The following KMO variants were observed in gnomAD, a reference collection of about 807,000 sequenced individuals.
KMO encodes kynurenine 3-hydroxylase.
Under a neutral mutation model 57.8 loss-of-function variants are expected in KMO, and 24 were observed. The observed-to-expected ratio is 0.42, with a 90% CI of 0.30 to 0.58. KMO has a LOEUF of 0.58. KMO is among the 20% of genes least tolerant of loss of function. KMO has a pLI of 0.22. For missense variants in KMO, 483 were observed against 588.2 expected (o/e 0.82, Z 1.85); for synonymous variants, 210 against 193.6 (o/e 1.08, Z -0.70).
intron 8 of KMO, among the ~76,000 whole-genome samples, chr1:241,566,062 C>T (rs758714483): frequency 1.3e-4 from 19 of 151,794 alleles, no homozygotes; most frequent in African/African-American, 4.1e-4. Context: ...AAAAATTAGC[C>T]GGGTGTGGTG....
Position 241,592,089 on chromosome 1 carries a change from C to T in KMO, c.1397C>T (p.Thr466Ile), listed in dbSNP as rs565034716. 6 of 1,613,952 alleles carry T rather than the reference C, an allele frequency of 3.7e-6. No homozygotes were observed. The highest frequency in any genetic ancestry group is 2.2e-5 in the East Asian group (1 of 44,852). ...AACTGGATAGCTCACTTCCGGAATACAACATGTTTCCCCGCAAAGGCCGTG... is the reference window on the plus strand; with the variant it reads ...AACTGGATAGCTCACTTCCGGAATATAACATGTTTCCCCGCAAAGGCCGTG... ...PWNWIAHFRN[T>I]TCFPAKAVDS... Residue 466 changes from threonine (T) to isoleucine (I), a missense_variant, in exon 15 of 15, where the codon ACA (threonine) becomes ATA (isoleucine). By Grantham distance (89) the Thr-to-Ile change is moderately conservative. This residue lies in a region of KMO where 410 missense variants were observed against 492.3 expected (regional missense o/e 0.83). Coordinates refer to ENST00000366559, the MANE Select transcript of KMO (RefSeq NM_003679.5).
intron 1 of KMO, among the ~76,000 whole-genome samples, chr1:241,546,639 C>T (rs1369136806): frequency 6.6e-6 from 1 of 152,126 alleles, no homozygotes; most frequent in East Asian, 1.9e-4. Context: ...TGACTCCTAG[C>T]TTTCTAGTTT....
At chr1:241,573,742 G>A (rs747422063) in intron 10 of KMO, among the ~76,000 whole-genome samples, 2 of 151,678 alleles carry the variant, frequency 1.3e-5, no homozygotes, top group African/African-American at 2.4e-5. Context: ...TGCTATTTGG[G>A]CTCATTTTTT....
At chr1:241,582,766 G>A (rs1250617304) in intron 10 of KMO, among the ~76,000 whole-genome samples, 1 of 152,118 alleles carries the variant, frequency 6.6e-6, no homozygotes, top group Admixed American at 6.5e-5. Context: ...ATTGGTCACT[G>A]GTGCCTTATT....
At chr1:241,549,293 A>AAGG (rs1661303733) in intron 2 of KMO, among the ~76,000 whole-genome samples, 1 of 115,520 alleles carries the variant, frequency 8.7e-6, no homozygotes, top group Non-Finnish European at 1.9e-5. Context: ...AAGAAAGGAG[A>AAGG]AAGAGCAAGA....
intron 8 of KMO, 62 bp from the exon 9 acceptor site, chr1:241,566,429 C>A: frequency 6.5e-7 from 1 of 1,547,042 alleles, no homozygotes; most frequent in East Asian, 2.3e-5. Context: ...TTTCAGGAGC[C>A]ACCTAGTGCC....
chr1:241,558,396 A>AT (rs1474589584), intron 5 of KMO, among the ~76,000 whole-genome samples: 1 of 152,194 alleles, frequency 6.6e-6, no homozygotes, highest in African/African-American at 2.4e-5. Flanking sequence ...GAGGCATCAA[A>AT]TGTGGGAGGT....
At chr1:241,584,972 T>A (rs1427346704) in intron 10 of KMO, among the ~76,000 whole-genome samples, 1 of 152,182 alleles carries the variant, frequency 6.6e-6, no homozygotes, top group African/African-American at 2.4e-5. Context: ...ACGCCTGTAA[T>A]CCCAGCACTT....
In KMO at chr1:241,592,837, G is replaced by C. The variant is rs1663369910; in HGVS notation, c.*684G>C. 1 of 152,436 alleles carries C rather than the reference G, an allele frequency of 6.6e-6. No homozygotes were observed. The allele number at this position is 152,436 out of a possible 1,614,324, so 9.4% of individuals were successfully genotyped here. ...GTATTTAGAGATCAGGTCTCACTCT[G>C]TTGACCAGGCTGGAGTGCAGTGGTG... On this transcript the variant is annotated 3_prime_UTR_variant, in exon 15 of 15. Transcript: ENST00000366559.
chr1:241,559,769 A>C (rs938677252), intron 5 of KMO, among the ~76,000 whole-genome samples: 50 of 152,180 alleles, frequency 3.3e-4, no homozygotes, highest in Admixed American at 5.9e-4. Context: ...GACATATAAA[A>C]ACTGTACATA....
chr1:241,590,393 A>G, intron 14 of KMO, 130 bp downstream of exon 14: 1 of 749,272 alleles, frequency 1.3e-6, no homozygotes, highest in Admixed American at 2.2e-5. Flanking sequence ...TCCAAACAGA[A>G]ACTGTCCTGA....
At chr1:241,581,553 T>C (rs1318762676) in intron 10 of KMO, among the ~76,000 whole-genome samples, 44 of 151,854 alleles carry the variant, frequency 2.9e-4, no homozygotes, top group Non-Finnish European at 1.2e-4. Context: ...CAACCAAGTA[T>C]TTTAAACTGA....
chr1:241,571,532 A>G (rs140963981), intron 10 of KMO, among the ~76,000 whole-genome samples: 21 of 152,270 alleles, frequency 1.4e-4, no homozygotes, highest in African/African-American at 4.8e-4. Context: ...TTCAGCATCA[A>G]TTGAAATGAT....
At chr1:241,543,929 T>G (rs1661043579) in intron 1 of KMO, among the ~76,000 whole-genome samples, 1 of 152,176 alleles carries the variant, frequency 6.6e-6, no homozygotes, top group African/African-American at 2.4e-5. Flanking sequence ...TCAGCCCTCC[T>G]CCTCTGAGAT....
chr1:241,575,900 C>T (rs1662496238), intron 10 of KMO, among the ~76,000 whole-genome samples: 1 of 151,856 alleles, frequency 6.6e-6, no homozygotes, highest in African/African-American at 2.4e-5. Flanking sequence ...TACCTAATTT[C>T]TTAGATTTGG....
At chr1:241,542,810 A>T (rs1460644465) in intron 1 of KMO, among the ~76,000 whole-genome samples, 1 of 152,200 alleles carries the variant, frequency 6.6e-6, no homozygotes, top group East Asian at 1.9e-4. Flanking sequence ...CCACTTATAT[A>T]TTTCTGTCTT....
At chr1:241,533,855 A>C (rs182882763) in intron 1 of KMO, among the ~76,000 whole-genome samples, 150 of 152,366 alleles carry the variant, frequency 9.8e-4, no homozygotes, top group African/African-American at 3.3e-3. Context: ...CTGAAGGGAC[A>C]TGTGACCAGA....
intron 10 of KMO, among the ~76,000 whole-genome samples, chr1:241,568,982 A>G (rs1662180880): frequency 1.3e-5 from 2 of 152,128 alleles, no homozygotes; most frequent in Non-Finnish European, 2.9e-5. Flanking sequence ...TATAACCTAC[A>G]GAGAATCTCC....
chr1:241,544,070 T>A (rs1028107919), intron 1 of KMO, among the ~76,000 whole-genome samples: 1 of 152,226 alleles, frequency 6.6e-6, no homozygotes, highest in East Asian at 1.9e-4. Flanking sequence ...GCATTATATA[T>A]TGTAGCTCCT....
Sources: allele counts gnomAD v4.1 joint callset (sites outside exome capture counted in the v4.1 genomes callset), GRCh38; gene constraint gnomAD v4.1.1; regional missense constraint gnomAD v4.1.1; transcripts MANE v1.5; gene names NCBI Gene and HGNC (gene_info 2026-07-23, HGNC 2026-07-21).